The following CSNK2A1 variants were observed in gnomAD, a reference collection of about 807,000 sequenced individuals.
The protein encoded by CSNK2A1 is casein kinase 2 alpha 1.
A neutral mutation model predicts 62.9 loss-of-function variants in CSNK2A1; 10 were observed. The ratio of observed to expected loss-of-function variants is 0.16; its 90% CI spans 0.10 to 0.27. CSNK2A1 has a LOEUF of 0.27. Among genes scored for constraint, CSNK2A1 ranks in the 10% least tolerant of loss-of-function variants. CSNK2A1 has a pLI of 1.00. For synonymous variants in CSNK2A1, 124 were observed against 167.8 expected (o/e 0.74, Z 2.02); for missense variants, 160 against 492.0 (o/e 0.33, Z 6.38).
chr20:497,616 C>G, intron 7 of CSNK2A1, 105 bp downstream of exon 7: 1 of 959,826 alleles, frequency 1.0e-6, no homozygotes, highest in Non-Finnish European at 1.6e-6. Flanking sequence ...TCCCTTCTTT[C>G]AACATACTTT....
rs2017788560 is a variant in CSNK2A1 at position 473,340 on chromosome 20, T to A, written c.*10621A>T. 1 of 152,576 alleles carries A rather than the reference T, an allele frequency of 6.6e-6. No individual in the cohort carries two copies. The highest frequency in any genetic ancestry group is 2.1e-4 in the South Asian group (1 of 4,834). The allele number at this position is 152,576 out of a possible 1,614,324, so 9.5% of individuals were successfully genotyped here. ...GTCTCAGTCTCTGTCAGGCCCTTTG[T>A]GTCTCTGATTTTGGGGTTATGTCCT... On this transcript the variant is annotated 3_prime_UTR_variant, in exon 14 of 14. Transcript: ENST00000217244.
chr20:504,947 C>G, intron 4 of CSNK2A1, 171 bp downstream of exon 4: 1 of 582,574 alleles, frequency 1.7e-6, no homozygotes, highest in South Asian at 2.7e-5. Context: ...CTTCAGTTTC[C>G]CGATCTGTCA....
intron 10 of CSNK2A1, chr20:489,571 T>C (rs530394479): frequency 1.0e-4 from 45 of 436,474 alleles, no homozygotes; most frequent in Non-Finnish European, 1.6e-4. Context: ...ACAATTTATA[T>C]GTATTCTTCA....
chr20:512,724 GA>G (rs2018749770), intron 2 of CSNK2A1, among the ~76,000 whole-genome samples: 2 of 152,156 alleles, frequency 1.3e-5, no homozygotes, highest in Non-Finnish European at 2.9e-5. Flanking sequence ...CAAACCTTCT[GA>G]GGTTCCATAA....
chr20:487,279 A>G, intron 12 of CSNK2A1, 148 bp downstream of exon 12: 4 of 1,023,612 alleles, frequency 3.9e-6, no homozygotes, highest in Non-Finnish European at 4.3e-6. Flanking sequence ...TCTGCAATGT[A>G]GTTGCCATCA....
intron 2 of CSNK2A1, among the ~76,000 whole-genome samples, chr20:512,370 G>A (rs150412897): frequency 2.6e-5 from 4 of 152,228 alleles, no homozygotes; most frequent in African/African-American, 9.6e-5. Context: ...ATTCAAAGCT[G>A]TTGTCCATTT....
intron 2 of CSNK2A1, among the ~76,000 whole-genome samples, chr20:525,512 A>G (rs192747933): frequency 0.024 from 3,594 of 151,400 alleles, 59 homozygotes; most frequent in Admixed American, 0.045. Context: ...TTAGCTGGGC[A>G]TGGTGGCGGG....
rs375003251 is a variant in CSNK2A1 at position 492,225 on chromosome 20, C to T, written c.621+29G>A. On this transcript the variant is annotated intron_variant, in intron 9 of 13. Coordinates refer to ENST00000217244, the MANE Select transcript of CSNK2A1 (RefSeq NM_177559.3). ...ATTATGTGCGAAATAAACACAGGAT[C>T]AAAACTGTGCCTGCCCTTCTGTTCT... 8 of 1,583,692 alleles carry T rather than the reference C, an allele frequency of 5.1e-6. No homozygotes were observed. In the African/African-American group the frequency reaches 9.5e-5, roughly 19 times the overall value.
chr20:500,272 G>A (rs556233930), intron 4 of CSNK2A1: 20 of 232,806 alleles, frequency 8.6e-5, no homozygotes, highest in African/African-American at 3.7e-4. Flanking sequence ...AATTTAAATC[G>A]TTAGTAATAC....
intron 2 of CSNK2A1, among the ~76,000 whole-genome samples, chr20:519,951 AAAG>A (rs1430393778): frequency 6.6e-6 from 1 of 152,206 alleles, no homozygotes; most frequent in Non-Finnish European, 1.5e-5. Flanking sequence ...TATTATATGA[AAAG>A]AAGATAAAAT....
At position 505,162 on chromosome 20, in the gene CSNK2A1, T is replaced by C. The variant is rs781566434; in HGVS notation, c.169A>G (p.Ile57Val). The change falls in exon 4 of 14, where the codon ATC (isoleucine) becomes GTC (valine). Residue 57 changes from isoleucine to valine, a missense_variant. Ile to Val is a conservative substitution (Grantham distance 29). Around this residue, in one of 3 missense-constraint regions of CSNK2A1, gnomAD observed 94 missense variants for 357.6 expected, o/e 0.26. Transcript: ENST00000217244. ...RGKYSEVFEA[I>V]NITNNEKVVV... is the part of the protein sequence containing the mutation. ...ACTTTTTCATTATTTGTGATGTTGA[T>C]GGCTTCAAATACTTCACTGTATTTA... 3 of 1,613,640 alleles carry C rather than the reference T, an allele frequency of 1.9e-6. No homozygotes were observed. The highest frequency in any genetic ancestry group is 1.1e-5 in the South Asian group (1 of 90,952).
chr20:496,900 T>TA lies in CSNK2A1; in HGVS notation c.426+820dup, dbSNP rs1352991883. Among the ~76,000 whole-genome samples, 13 of 152,330 alleles carry TA rather than the reference T, an allele frequency of 8.5e-5. No homozygotes were observed. The South Asian group carries it at 2.5e-3, about 29-fold the overall frequency. ...GACAATTACCCTTTGAGAACTGAGT[T>TA]AAAGTTTACTGTTTTATTTGCTGAC... On this transcript the variant is annotated intron_variant, in intron 7 of 13. Coordinates refer to ENST00000217244, the MANE Select transcript of CSNK2A1 (RefSeq NM_177559.3).
chr20:516,838 T>C (rs1379483412), intron 2 of CSNK2A1, among the ~76,000 whole-genome samples: 1 of 152,142 alleles, frequency 6.6e-6, no homozygotes, highest in Non-Finnish European at 1.5e-5. Context: ...TAATGTTTAT[T>C]AGTCTCCATC....
In CSNK2A1 at chr20:499,892, C is replaced by G. The variant is rs992671508; in HGVS notation, c.256G>C (p.Glu86Gln). ...ATGTTGGGACCTCCTCTCAAATTCTCCAAAATCTTTATTTCACGCTTAATT... is the reference window on the plus strand; with the variant it reads ...ATGTTGGGACCTCCTCTCAAATTCTGCAAAATCTTTATTTCACGCTTAATT... The part of the protein sequence containing the change: ...KKIKREIKIL[E>Q]NLRGGPNIIT... The change falls in exon 5 of 14, where the codon GAG (glutamate) becomes CAG (glutamine). Residue 86 changes from glutamate to glutamine, a missense_variant. Glu to Gln is a conservative substitution (Grantham distance 29, BLOSUM62 2). Coordinates refer to ENST00000217244, the MANE Select transcript of CSNK2A1 (RefSeq NM_177559.3). This position sits in a 1 kb window ranked among gnomAD's most constrained non-coding sequence, Gnocchi z 4.2. The G allele has an allele frequency of 3.1e-6, 5 of 1,613,506 alleles. No homozygotes were observed. The highest frequency in any genetic ancestry group is 4.2e-6 in the Non-Finnish European group (5 of 1,179,982).
At chr20:527,007 G>GAGAT (rs1419616991) in intron 2 of CSNK2A1, 1 of 124,484 alleles carries the variant, frequency 8.0e-6, no homozygotes, top group Non-Finnish European at 1.8e-5. Context: ...CAGACAGAGA[G>GAGAT]AGAGAGAGAG....
chr20:526,365 C>T (rs759001830), intron 2 of CSNK2A1, among the ~76,000 whole-genome samples: 53 of 151,888 alleles, frequency 3.5e-4, no homozygotes, highest in Non-Finnish European at 6.6e-4. Context: ...AATCCCAATA[C>T]TTAGGAAGGC....
intron 3 of CSNK2A1, chr20:505,926 G>C (rs996631945): frequency 4.9e-5 from 7 of 142,134 alleles, no homozygotes; most frequent in South Asian, 2.2e-4. Flanking sequence ...CCAGGCTGGA[G>C]TGCAGTGGCG....
Position 499,272 on chromosome 20 carries a change from T to C in CSNK2A1, c.349A>G (p.Asn117Asp). 6.2e-7 allele frequency: 1 copy of C among 1,608,698 alleles called. No homozygotes were observed. The highest frequency in any genetic ancestry group is 8.5e-7 in the Non-Finnish European group (1 of 1,177,386). The change falls in exon 6 of 14, where the codon AAC becomes GAC. Residue 117 changes from asparagine (N) to aspartate (D), a missense_variant. Asn to Asp is a conservative substitution (Grantham distance 23). Coordinates refer to ENST00000217244, the MANE Select transcript of CSNK2A1 (RefSeq NM_177559.3). This position sits in a 1 kb window ranked among gnomAD's most constrained non-coding sequence, Gnocchi z 4.2. The stretch of plus-strand genomic sequence containing the variant: ...TATTATACCTTGAAGTCTGTGTTGT[T>C]TACGTGTTCAAAAACCAAGGCGGGG... ...RTPALVFEHV[N>D]NTDFKQLYQT... is the part of the protein sequence containing the mutation.
chr20:497,826 G>A, intron 6 of CSNK2A1, 46 bp from the exon 7 acceptor site: 1 of 1,561,412 alleles, frequency 6.4e-7, no homozygotes, highest in South Asian at 1.1e-5. Flanking sequence ...CTGACAGAAA[G>A]GCATTTTTCA....
Sources: gnomAD v4.1 joint callset for allele counts (sites outside exome capture counted in the v4.1 genomes callset) on GRCh38, gnomAD v4.1.1 for gene constraint, gnomAD v4.1.1 regional missense constraint, Gnocchi (gnomAD v3.1) non-coding constraint, MANE v1.5 for transcripts, NCBI Gene and HGNC (gene_info 2026-07-23, HGNC 2026-07-21) for gene names.